CALN1: variants seen among roughly 807,000 people sequenced by gnomAD.
CALN1 encodes calneuron 1.
A neutral mutation model predicts 30.6 loss-of-function variants in CALN1; 17 were observed. The observed-to-expected ratio is 0.56, with a 90% CI of 0.38 to 0.83. CALN1 has a LOEUF of 0.83. Ranked by LOEUF, CALN1 falls within the 40% of genes least tolerant of loss-of-function variation. CALN1 has a pLI of 0.00. For missense variants in CALN1, 291 were observed against 354.9 expected (o/e 0.82, Z 1.45); for synonymous variants, 156 against 131.4 (o/e 1.19, Z -1.28).
intron 5 of CALN1, among the ~76,000 whole-genome samples, chr7:71,827,588 C>T (rs1241351125): frequency 6.6e-6 from 1 of 151,790 alleles, no homozygotes; most frequent in African/African-American, 2.4e-5. Flanking sequence ...CTGGCCAACA[C>T]AGTGAAACCC....
chr7:71,945,677 C>G (rs1399590362), intron 5 of CALN1, among the ~76,000 whole-genome samples: 5 of 152,228 alleles, frequency 3.3e-5, no homozygotes, highest in Non-Finnish European at 2.9e-5. Flanking sequence ...GCCTGATGAT[C>G]TGTCACTGTC....
At chr7:72,352,121 T>C (rs1437264219) in intron 2 of CALN1, among the ~76,000 whole-genome samples, 1 of 152,146 alleles carries the variant, frequency 6.6e-6, no homozygotes, top group East Asian at 1.9e-4. Flanking sequence ...GAGCTGGGAT[T>C]GCACCACTGC....
At chr7:72,284,314 ATAAAC>A (rs1215129898) in intron 2 of CALN1, among the ~76,000 whole-genome samples, 5 of 152,202 alleles carry the variant, frequency 3.3e-5, no homozygotes, top group African/African-American at 9.7e-5. Flanking sequence ...AATTAAATAA[ATAAAC>A]TAAAGAGCCT....
At position 72,016,371 on chromosome 7, in the gene CALN1, T is replaced by A. The variant is rs572466912; in HGVS notation, c.501+7286A>T. On this transcript the variant is annotated intron_variant, in intron 5 of 6. Coordinates refer to ENST00000395275, the MANE Select transcript of CALN1 (RefSeq NM_031468.4). Reference sequence around the variant, plus strand: ...TTTTGTATGTAATATTTCCTTCACATGTCACAACCATGAAATGCAAATGCT... The same window carrying A: ...TTTTGTATGTAATATTTCCTTCACAAGTCACAACCATGAAATGCAAATGCT... 4.5e-4 allele frequency among the ~76,000 whole-genome samples: 68 copies of A among 152,126 alleles called. 2 individuals are homozygous for A. In the South Asian group the frequency reaches 0.014, roughly 32 times the overall value.
intron 4 of CALN1, among the ~76,000 whole-genome samples, chr7:72,087,667 G>A (rs569838788): frequency 6.6e-6 from 1 of 152,250 alleles, no homozygotes; most frequent in Admixed American, 6.5e-5. Flanking sequence ...TCCAAGTAGT[G>A]AAGCAGGAAA....
intron 5 of CALN1, among the ~76,000 whole-genome samples, chr7:71,895,870 C>T (rs1395723245): frequency 6.6e-6 from 1 of 152,124 alleles, no homozygotes; most frequent in Non-Finnish European, 1.5e-5. Context: ...ACTTTTACAC[C>T]AATCTAATGG....
chr7:72,332,480 C>G (rs1174249759), intron 2 of CALN1, among the ~76,000 whole-genome samples: 2 of 151,922 alleles, frequency 1.3e-5, no homozygotes, highest in Non-Finnish European at 2.9e-5. Flanking sequence ...AGCTGGTCCT[C>G]AATTTGGTCC....
intron 3 of CALN1, among the ~76,000 whole-genome samples, chr7:72,120,481 C>T (rs781215210): frequency 7.2e-5 from 11 of 152,146 alleles, no homozygotes; most frequent in Non-Finnish European, 1.3e-4. Flanking sequence ...CCCAATTTTA[C>T]ATAATGTTGC....
intron 6 of CALN1, among the ~76,000 whole-genome samples, chr7:71,799,222 C>A (rs1184745825): frequency 6.6e-6 from 1 of 152,108 alleles, no homozygotes; most frequent in African/African-American, 2.4e-5. Context: ...ATCCTCAAAA[C>A]AACTGCATGA....
intron 2 of CALN1, among the ~76,000 whole-genome samples, chr7:72,326,288 A>C (rs1801272451): frequency 6.6e-6 from 1 of 152,230 alleles, no homozygotes; most frequent in African/African-American, 2.4e-5. Context: ...AGGCACAGAA[A>C]GGATGAAGGC....
intron 3 of CALN1, among the ~76,000 whole-genome samples, chr7:72,108,850 G>T (rs996676067): frequency 6.6e-6 from 1 of 152,140 alleles, no homozygotes; most frequent in Non-Finnish European, 1.5e-5. Context: ...TTGGACTTTG[G>T]GAGTAAGTTT....
chr7:72,354,634 C>A (rs1374067816), intron 2 of CALN1, among the ~76,000 whole-genome samples: 1 of 152,180 alleles, frequency 6.6e-6, no homozygotes, highest in Non-Finnish European at 1.5e-5. Flanking sequence ...AATAGACTCA[C>A]TTGCGTGTGA....
intron 4 of CALN1, among the ~76,000 whole-genome samples, chr7:72,045,555 G>T (rs1157070547): frequency 6.6e-6 from 1 of 152,088 alleles, no homozygotes; most frequent in Non-Finnish European, 1.5e-5. Flanking sequence ...TGGAGACAGG[G>T]TCTCTTTCTG....
intron 3 of CALN1, among the ~76,000 whole-genome samples, chr7:72,268,825 ACAG>A (rs1201560547): frequency 2.6e-5 from 4 of 151,804 alleles, no homozygotes; most frequent in Middle Eastern, 3.4e-3. Context: ...ACACACACAC[ACAG>A]AACTAATTGT....
At chr7:72,097,985 A>G (rs35154676) in intron 4 of CALN1, among the ~76,000 whole-genome samples, 37,614 of 152,110 alleles carry the variant, frequency 0.25, 4,900 homozygotes, top group Middle Eastern at 0.29. Flanking sequence ...AAGTGCTGGG[A>G]TTACAGGCGT....
chr7:72,420,765 G>A (rs2129563637), intron 1 of CALN1, among the ~76,000 whole-genome samples: 1 of 151,768 alleles, frequency 6.6e-6, no homozygotes, highest in African/African-American at 2.4e-5. Flanking sequence ...GACTACAGGA[G>A]CCCGCCACTA....
At chr7:72,127,314 T>C (rs1563080915) in intron 3 of CALN1, among the ~76,000 whole-genome samples, 1 of 151,514 alleles carries the variant, frequency 6.6e-6, no homozygotes, top group Admixed American at 6.6e-5. Flanking sequence ...TGGGTTGGGG[T>C]GGAGTGAGTC....
chr7:71,891,772 C>T (rs369426485), intron 5 of CALN1, among the ~76,000 whole-genome samples: 80 of 151,848 alleles, frequency 5.3e-4, no homozygotes, highest in African/African-American at 1.9e-3. Flanking sequence ...GGTGAAGCCC[C>T]GTCTCTACTA....
At chr7:71,956,150 G>A (rs1285721318) in intron 5 of CALN1, among the ~76,000 whole-genome samples, 1 of 152,056 alleles carries the variant, frequency 6.6e-6, no homozygotes, top group Non-Finnish European at 1.5e-5. Flanking sequence ...ACCATGTCCA[G>A]CTAATTTTTG....
Sources: allele counts gnomAD v4.1 joint callset (sites outside exome capture counted in the v4.1 genomes callset), GRCh38; gene constraint gnomAD v4.1.1; transcripts MANE v1.5; gene names NCBI Gene and HGNC (gene_info 2026-07-23, HGNC 2026-07-21).